KCTD2: variants seen among roughly 807,000 people sequenced by gnomAD.
KCTD2 encodes potassium channel tetramerization domain containing 2.
A neutral mutation model predicts 27.9 loss-of-function variants in KCTD2; 18 were observed. The ratio of observed to expected loss-of-function variants is 0.64; its 90% CI spans 0.45 to 0.96. The LOEUF (loss-of-function observed/expected upper bound fraction) is 0.96, where lower values mean the gene tolerates loss of function less well. KCTD2 is among the 40% of genes least tolerant of loss of function. The pLI is 0.00. For synonymous variants in KCTD2, 175 were observed against 148.4 expected (o/e 1.18, Z -1.30); for missense variants, 280 against 348.0 (o/e 0.80, Z 1.56).
At chr17:75,034,244 A>G (rs1431232985) in intron 2 of KCTD2, 1 of 152,336 alleles carries the variant, frequency 6.6e-6, no homozygotes, top group Admixed American at 6.6e-5. Flanking sequence ...CCCCAGCTCC[A>G]CCTGGCGGGG....
rs1056741188 is a variant in KCTD2 at position 75,064,011 on chromosome 17, C to G, written c.*964C>G. On this transcript the variant is annotated 3_prime_UTR_variant, in exon 6 of 6. Transcript: ENST00000322444. ...CTCAGAGAGAGTTATTTCTGTGACTCTCTTGGAAATGCCTTGACTGAATGT... is the reference window on the plus strand; with the variant it reads ...CTCAGAGAGAGTTATTTCTGTGACTGTCTTGGAAATGCCTTGACTGAATGT... 1 of 152,748 alleles carries G rather than the reference C, an allele frequency of 6.5e-6. No homozygotes were observed. Among genetic ancestry groups the G allele is most frequent in the Non-Finnish European group, 1.5e-5 (1 of 68,144 alleles). The allele number at this position is 152,748 out of a possible 1,614,324, so 9.5% of individuals were successfully genotyped here. A position where few individuals can be genotyped will look rare whatever the true frequency, so the allele number is the denominator to read the frequency against.
chr17:75,039,406 G>T, intron 3 of KCTD2: 1 of 735,308 alleles, frequency 1.4e-6, no homozygotes, highest in South Asian at 1.7e-5. Context: ...CCTGAGTGGG[G>T]GCGCTCACTC....
At chr17:75,062,699 AACACACACACACACACACAC>A (rs10533801) in intron 5 of KCTD2, among the ~76,000 whole-genome samples, 4 of 116,072 alleles carry the variant, frequency 3.4e-5, no homozygotes, top group South Asian at 3.6e-4. Context: ...CCTCACCCCC[AACACACACACACACACACAC>A]ACACACACAC....
intron 2 of KCTD2, among the ~76,000 whole-genome samples, chr17:75,052,733 G>GA (rs925187385): frequency 3.3e-5 from 5 of 151,810 alleles, no homozygotes; most frequent in African/African-American, 1.2e-4. Flanking sequence ...CGGGCGGGGG[G>GA]AAAAAATAGA....
intron 3 of KCTD2, among the ~76,000 whole-genome samples, chr17:75,035,669 T>C (rs2040108838): frequency 6.6e-6 from 1 of 151,754 alleles, no homozygotes; most frequent in Admixed American, 6.6e-5. Context: ...AATACAAAAA[T>C]ACAAAAATTA....
upstream of KCTD2, chr17:75,042,482 C>A (rs978994318): frequency 4.4e-6 from 7 of 1,594,110 alleles, no homozygotes; most frequent in African/African-American, 8.1e-5. Flanking sequence ...TGTTTTGTTT[C>A]TAGATTCAGT....
chr17:75,047,164 C>A, upstream of KCTD2: 1 of 369,522 alleles, frequency 2.7e-6, no homozygotes, highest in Non-Finnish European at 4.3e-6. Context: ...GCCCCACCCC[C>A]GCCGATGGGC....
At chr17:75,047,866 T>TGC in intron 1 of KCTD2, among the ~76,000 whole-genome samples, 1 of 152,194 alleles carries the variant, frequency 6.6e-6, no homozygotes, top group South Asian at 2.1e-4. Context: ...GAGAACGCAC[T>TGC]CCACACCCCT....
chr17:75,050,118 A>G (rs1293587769), intron 2 of KCTD2, among the ~76,000 whole-genome samples: 1 of 152,160 alleles, frequency 6.6e-6, no homozygotes, highest in Non-Finnish European at 1.5e-5. Context: ...CAATATTTCA[A>G]ACGCATACAG....
chr17:75,050,084 T>C, intron 2 of KCTD2, among the ~76,000 whole-genome samples: 1 of 152,324 alleles, frequency 6.6e-6, no homozygotes, highest in South Asian at 2.1e-4. Flanking sequence ...TCTCTCTCTC[T>C]TTTTTTAAAT....
At chr17:75,045,020 A>C (rs976606107), upstream of KCTD2, among the ~76,000 whole-genome samples, 2 of 152,180 alleles carry the variant, frequency 1.3e-5, no homozygotes, top group African/African-American at 4.8e-5. Flanking sequence ...ACTTGCCCCG[A>C]TAGTCACATA....
At chr17:75,045,779 G>A (rs556563636), upstream of KCTD2, among the ~76,000 whole-genome samples, 13 of 152,248 alleles carry the variant, frequency 8.5e-5, no homozygotes, top group African/African-American at 3.1e-4. Flanking sequence ...AATTATTACA[G>A]GGTCCTGGAA....
upstream of KCTD2, among the ~76,000 whole-genome samples, chr17:75,045,201 T>C (rs559926956): frequency 6.2e-4 from 94 of 152,150 alleles, no homozygotes; most frequent in African/African-American, 2.2e-3. Flanking sequence ...GGAGGGAGTA[T>C]ACGAATAGGT....
chr17:75,055,305 T>G (rs1165872311), intron 3 of KCTD2, among the ~76,000 whole-genome samples: 4 of 151,994 alleles, frequency 2.6e-5, no homozygotes. Context: ...TCCACTTGCC[T>G]CAGCCTCCCA....
At chr17:75,062,603 G>A (rs187606559) in intron 5 of KCTD2, among the ~76,000 whole-genome samples, 253 of 151,864 alleles carry the variant, frequency 1.7e-3, no homozygotes, top group Non-Finnish European at 2.7e-3. Flanking sequence ...ACTGCCTCAG[G>A]AGAAAAGGGT....
chr17:75,039,498 C>A, intron 3 of KCTD2: 1 of 527,728 alleles, frequency 1.9e-6, no homozygotes, highest in South Asian at 2.3e-5. Flanking sequence ...CACCCGGCTG[C>A]TTCTGCAAGT....
rs1254990672 is a variant in KCTD2, at chr17:75,063,071, C to G, written c.*24C>G. The G allele has an allele frequency of 1.2e-6, 2 of 1,611,416 alleles. No homozygotes were observed. Among genetic ancestry groups the G allele is most frequent in the Admixed American group, 1.7e-5 (1 of 59,932 alleles). On this transcript the variant is annotated 3_prime_UTR_variant, in exon 6 of 6. Transcript: ENST00000322444. ...AAACTAAGACCCCGAAAACTCCAGA[C>G]CTTCAGGAGAGCAGTCAGCAGAGCC...
At chr17:75,055,694 T>C (rs1279924601) in intron 3 of KCTD2, among the ~76,000 whole-genome samples, 1 of 151,838 alleles carries the variant, frequency 6.6e-6, no homozygotes, top group Non-Finnish European at 1.5e-5. Flanking sequence ...GTAGCTGGGG[T>C]GGTGGCACAT....
intron 2 of KCTD2, chr17:75,035,154 G>A (rs545988532): frequency 6.6e-6 from 1 of 152,224 alleles, no homozygotes; most frequent in Non-Finnish European, 1.5e-5. Context: ...CTTCGGATCA[G>A]AAGATTGAGG....
Sources: gnomAD v4.1 joint callset for allele counts (sites outside exome capture counted in the v4.1 genomes callset) on GRCh38, gnomAD v4.1.1 for gene constraint, MANE v1.5 for transcripts, NCBI Gene and HGNC (gene_info 2026-07-23, HGNC 2026-07-21) for gene names.